The following ECT2L variants were observed in gnomAD, a reference collection of about 807,000 sequenced individuals.
ECT2L encodes epithelial cell-transforming sequence 2 oncogene-like.
A neutral mutation model predicts 122.8 loss-of-function variants in ECT2L; 126 were observed. That is an observed-to-expected ratio of 1.03 (90% CI 0.89 to 1.19). The LOEUF (loss-of-function observed/expected upper bound fraction) is 1.19, where lower values mean the gene tolerates loss of function less well. ECT2L is among the 50% of genes most tolerant of loss of function. ECT2L has a pLI of 0.00. For synonymous variants in ECT2L, 385 were observed against 381.8 expected, an observed-to-expected ratio of 1.01 and a Z score of -0.10; for missense variants, 1,012 against 1,064.1, an observed-to-expected ratio of 0.95 and a Z score of 0.68.
intron 4 of ECT2L, among the ~76,000 whole-genome samples, chr6:138,836,754 G>A (rs1026437448): frequency 5.3e-5 from 8 of 151,836 alleles, no homozygotes; most frequent in African/African-American, 1.7e-4. Context: ...ACTCAGGAAC[G>A]CCTGTTTTAT....
chr6:138,813,323 A>G lies in ECT2L; in HGVS notation c.49A>G (p.Lys17Glu). 6.2e-7 allele frequency: 1 copy of G among 1,611,556 alleles called. No individual in the cohort carries two copies. The highest frequency in any genetic ancestry group is 1.3e-5 in the African/African-American group (1 of 74,918). The change falls in exon 3 of 22, where the codon AAG becomes GAG. Residue 17 changes from lysine to glutamate, a missense_variant. By Grantham distance (56) the Lys-to-Glu change is moderately conservative. Coordinates refer to ENST00000541398, the MANE Select transcript of ECT2L (RefSeq NM_001077706.3). ...RFSAWTPFSN[K>E]SLNRQLFQER... ...TAGTGCCTGGACACCTTTTAGCAAC[A>G]AGTCATTAAATAGACAGGTAAGTTA...
chr6:138,891,988 G>A (rs955770021), intron 20 of ECT2L, among the ~76,000 whole-genome samples: 1 of 152,144 alleles, frequency 6.6e-6, no homozygotes, highest in African/African-American at 2.4e-5. Flanking sequence ...TTTGCTGTCA[G>A]TAATTTTGTA....
chr6:138,890,313 T>C lies in ECT2L; in HGVS notation c.2414+1282T>C, dbSNP rs73559427. ...TCAACTCCAATAAATGTAATAAAAATTGATTTGTTATTTCAATGAATATTT... is the reference window on the plus strand; with the variant it reads ...TCAACTCCAATAAATGTAATAAAAACTGATTTGTTATTTCAATGAATATTT... On this transcript the variant is annotated intron_variant, in intron 20 of 21. Coordinates refer to ENST00000541398, the MANE Select transcript of ECT2L (RefSeq NM_001077706.3). 4.5e-3 allele frequency among the ~76,000 whole-genome samples: 691 copies of C among 152,170 alleles called. 7 individuals carry two copies. The highest frequency in any genetic ancestry group is 0.016 in the African/African-American group (649 of 41,518).
intron 1 of ECT2L, among the ~76,000 whole-genome samples, chr6:138,807,422 A>G (rs1775749319): frequency 6.6e-6 from 1 of 152,182 alleles, no homozygotes; most frequent in Non-Finnish European, 1.5e-5. Flanking sequence ...AGATTCATTG[A>G]CACATTTTCT....
In ECT2L at chr6:138,854,060, T is replaced by C. The variant is rs1278587898; in HGVS notation, c.1104T>C (p.Pro368=). 2 of 1,614,164 alleles carry C rather than the reference T, an allele frequency of 1.2e-6. No individual in the cohort carries two copies. The highest frequency in any genetic ancestry group is 1.7e-6 in the Non-Finnish European group (2 of 1,180,004). ...YKIGVKNLLR[P]EVRDFWEKLG... ...TTGGTGTTAAAAATTTACTGAGGCC[T>C]GAAGTGAGAGATTTCTGGGAGAAAT... The change falls in exon 10 of 22, where the codon CCT becomes CCC. Residue 368 remains proline (P), a synonymous_variant. Transcript: ENST00000541398.
rs373325471 is a variant in ECT2L, at chr6:138,865,021, A to G, written c.1317A>G (p.Gln439=). The change falls in exon 12 of 22, where the codon CAA becomes CAG. Residue 439 remains glutamine, a synonymous_variant. Transcript: ENST00000541398. The part of the protein sequence containing the change: ...QHILSDWLGS[Q]WGKAPSSIYF... ...TTCTTAGTGATTGGCTGGGATCCCAATGGGGAAAGGCCCCCTCTTCCATCT... is the reference window on the plus strand; with the variant it reads ...TTCTTAGTGATTGGCTGGGATCCCAGTGGGGAAAGGCCCCCTCTTCCATCT... 26 of 1,613,380 alleles carry G rather than the reference A, an allele frequency of 1.6e-5. No homozygotes were observed. The highest frequency in any genetic ancestry group is 1.7e-4 in the Middle Eastern group (1 of 5,736).
chr6:138,799,285 G>C lies in ECT2L; in HGVS notation c.-244+3093G>C, dbSNP rs560132424. Among the ~76,000 whole-genome samples the C allele has an allele frequency of 2.2e-3, 338 of 150,738 alleles. 1 individual carries two copies. The highest frequency in any genetic ancestry group is 3.3e-3 in the Non-Finnish European group (221 of 67,864). On this transcript the variant is annotated intron_variant, in intron 1 of 21. Coordinates refer to ENST00000541398, the MANE Select transcript of ECT2L (RefSeq NM_001077706.3). ...TTTTTTTTTTTTGAGACGGAGTCTC[G>C]CTCTGTCACCCAGGCTGGAGTGCAG...
At chr6:138,872,679 C>T (rs1471902824) in intron 13 of ECT2L, among the ~76,000 whole-genome samples, 1 of 152,196 alleles carries the variant, frequency 6.6e-6, no homozygotes, top group African/African-American at 2.4e-5. Flanking sequence ...TCCCTTGGTT[C>T]ACTAAAGGGA....
chr6:138,891,287 T>G (rs1194616198), intron 20 of ECT2L, among the ~76,000 whole-genome samples: 1 of 152,244 alleles, frequency 6.6e-6, no homozygotes, highest in Non-Finnish European at 1.5e-5. Flanking sequence ...TGACATGTTT[T>G]GAAATGGCCC....
At chr6:138,822,891 A>G (rs1244514907) in intron 4 of ECT2L, 34 of 1,613,836 alleles carry the variant, frequency 2.1e-5, no homozygotes, top group Non-Finnish European at 2.5e-5. Context: ...TGTATTCCTC[A>G]CAATAGCTTT....
chr6:138,865,286 C>G (rs116747288), intron 12 of ECT2L, 108 bp downstream of exon 12: 6 of 1,109,984 alleles, frequency 5.4e-6, no homozygotes, highest in African/African-American at 1.6e-5. Context: ...TCTTGAACAT[C>G]TCCAGTAAAA....
Position 138,849,297 on chromosome 6 carries a change from T to G in ECT2L, c.932T>G (p.Val311Gly). The G allele has an allele frequency of 6.2e-7, 1 of 1,613,524 alleles. No homozygotes were observed. Among genetic ancestry groups the G allele is most frequent in the Non-Finnish European group, 8.5e-7 (1 of 1,179,768 alleles). Residue 311 changes from valine to glycine, a missense_variant, in exon 9 of 22, where the codon GTT (valine) becomes GGT (glycine). Transcript: ENST00000541398. The stretch of plus-strand genomic sequence containing the variant: ...GTGATGGAGAGTGTGAAGGCTGGTG[T>G]TGTTTCTGTGGTATATGAACACAGC... ...EMVMESVKAG[V>G]VSVVYEHSVT... is the part of the protein sequence containing the mutation.
chr6:138,867,896 T>C (rs1310535933), intron 12 of ECT2L, among the ~76,000 whole-genome samples: 1 of 150,338 alleles, frequency 6.7e-6, no homozygotes, highest in Non-Finnish European at 1.5e-5. Flanking sequence ...ATAGTCCCAG[T>C]TACTTGAGAA....
At chr6:138,806,188 CCAGACACCCAGCTTAAAATGGTAGCT>C (rs1775705627) in intron 1 of ECT2L, among the ~76,000 whole-genome samples, 1 of 152,154 alleles carries the variant, frequency 6.6e-6, no homozygotes, top group Non-Finnish European at 1.5e-5. Flanking sequence ...ATCTGTTTCC[CCAGACACCCAGCTTAAAATGGTAGCT>C]CAGAGACTTT....
At chr6:138,829,564 C>T (rs1013044128) in intron 4 of ECT2L, among the ~76,000 whole-genome samples, 9 of 152,098 alleles carry the variant, frequency 5.9e-5, no homozygotes, top group Admixed American at 2.6e-4. Flanking sequence ...TTTCTTTGTT[C>T]CATAATAATA....
At chr6:138,810,101 G>A (rs1437980686) in intron 1 of ECT2L, among the ~76,000 whole-genome samples, 1 of 152,150 alleles carries the variant, frequency 6.6e-6, no homozygotes, top group Non-Finnish European at 1.5e-5. Context: ...ATTACTACAG[G>A]CCACGTTTGC....
At chr6:138,864,747 A>G (rs12211862) in intron 11 of ECT2L, among the ~76,000 whole-genome samples, 47,199 of 152,112 alleles carry the variant, frequency 0.31, 7,724 homozygotes, top group Admixed American at 0.4. Flanking sequence ...TTCTTTAAAC[A>G]TTGAATGGAA....
At chr6:138,863,797 G>T (rs1309998984) in intron 11 of ECT2L, among the ~76,000 whole-genome samples, 1 of 151,188 alleles carries the variant, frequency 6.6e-6, no homozygotes, top group African/African-American at 2.4e-5. Flanking sequence ...TGTATTTTTA[G>T]TAGAGACGGG....
chr6:138,826,069 T>C (rs898699410), intron 4 of ECT2L, among the ~76,000 whole-genome samples: 1 of 152,222 alleles, frequency 6.6e-6, no homozygotes, highest in African/African-American at 2.4e-5. Context: ...TGATCGCTGT[T>C]CCACTCACTG....
Sources: gnomAD v4.1 joint callset for allele counts (sites outside exome capture counted in the v4.1 genomes callset) on GRCh38, gnomAD v4.1.1 for gene constraint, MANE v1.5 for transcripts, NCBI Gene and HGNC (gene_info 2026-07-23, HGNC 2026-07-21) for gene names.